Variants in GCC2 observed in about 807,000 individuals in gnomAD.
GCC2 encodes GRIP and coiled-coil domain containing 2.
Under a neutral mutation model 210.6 loss-of-function variants are expected in GCC2, and 120 were observed. The observed-to-expected ratio is 0.57, with a 90% CI of 0.49 to 0.66. GCC2 has a LOEUF of 0.66. GCC2 is among the 30% of genes least tolerant of loss of function. The pLI is 0.00. For missense variants in GCC2, 1,868 were observed against 1,871.9 expected (o/e 1.00, Z 0.04); for synonymous variants, 703 against 652.7 (o/e 1.08, Z -1.17).
At chr2:108,451,299 T>A (rs1679930809) in intron 3 of GCC2, among the ~76,000 whole-genome samples, 187 bp downstream of exon 3, 1 of 152,238 alleles carries the variant, frequency 6.6e-6, no homozygotes, top group African/African-American at 2.4e-5. Context: ...TATTCCCACA[T>A]CTCTAAACCA....
intron 4 of GCC2, among the ~76,000 whole-genome samples, chr2:108,466,359 G>A (rs1388022755): frequency 1.3e-5 from 2 of 151,976 alleles, no homozygotes; most frequent in African/African-American, 4.8e-5. Context: ...TTTTCTTAAT[G>A]GGCCAGTGGG....
At chr2:108,505,751 T>C (rs887692717) in intron 22 of GCC2, among the ~76,000 whole-genome samples, 2 of 151,886 alleles carry the variant, frequency 1.3e-5, no homozygotes, top group African/African-American at 4.8e-5. Flanking sequence ...GTGAGAGTCC[T>C]TGAAATAGAA....
rs1476310149 is a variant in GCC2 at position 108,508,351 on chromosome 2, G to C, written c.*721G>C. 3.6e-5 allele frequency: 5 copies of C among 139,402 alleles called. No homozygotes were observed. Among genetic ancestry groups the C allele is most frequent in the Admixed American group, 8.1e-5 (1 of 12,402 alleles). The allele number at this position is 139,402 out of a possible 1,614,324, so 8.6% of individuals were successfully genotyped here. A position where few individuals can be genotyped will look rare whatever the true frequency, so the allele number is the denominator to read the frequency against. ...AAGTTAAAATACAGTTTAGTTATTT[G>C]CTTTAAAATAAACTCTTCTTTTTTT... is the stretch of plus-strand genomic sequence containing the variant. On this transcript the variant is annotated 3_prime_UTR_variant, in exon 23 of 23. Coordinates refer to ENST00000309863, the MANE Select transcript of GCC2 (RefSeq NM_181453.4).
chr2:108,458,413 T>G (rs1355078711), intron 4 of GCC2, among the ~76,000 whole-genome samples: 1 of 144,392 alleles, frequency 6.9e-6, no homozygotes, highest in Non-Finnish European at 1.5e-5. Context: ...CTTGTCTGGT[T>G]TTGGTATCAG....
chr2:108,498,114 C>T (rs1457608396), intron 21 of GCC2, among the ~76,000 whole-genome samples: 2 of 147,374 alleles, frequency 1.4e-5, no homozygotes, highest in South Asian at 2.2e-4. Flanking sequence ...CTAATAAAAA[C>T]ATTATCGTAG....
intron 2 of GCC2, 37 bp downstream of exon 2, chr2:108,449,726 G>T (rs751212670): frequency 6.4e-7 from 1 of 1,550,814 alleles, no homozygotes; most frequent in Admixed American, 1.7e-5. Flanking sequence ...TTCCTGAAGA[G>T]TGGAAGGGTG....
rs1159186035 is a variant in GCC2, at chr2:108,470,375, G to C, written c.1046G>C (p.Ser349Thr). The C allele has an allele frequency of 1.2e-6, 2 of 1,606,408 alleles. No homozygotes were observed. Among genetic ancestry groups the C allele is most frequent in the South Asian group, 1.1e-5 (1 of 89,964 alleles). Residue 349 changes from serine to threonine, a missense_variant, in exon 6 of 23, where the codon AGT becomes ACT. Transcript: ENST00000309863. ...TTAAAAGAACTTGAATCTCAACACA[G>C]TATCTTAAAAGATGAGGTAACTTAT... ...DTLKELESQHSILKDEVTYMN... is the reference protein window; with the variant it reads ...DTLKELESQHTILKDEVTYMN...
intron 4 of GCC2, among the ~76,000 whole-genome samples, chr2:108,466,057 A>C (rs1680866982): frequency 6.6e-6 from 1 of 152,074 alleles, no homozygotes; most frequent in Non-Finnish European, 1.5e-5. Context: ...GCATTTTTTA[A>C]TATGTTGGCC....
intron 22 of GCC2, among the ~76,000 whole-genome samples, chr2:108,500,381 C>T (rs182314914): frequency 5.1e-4 from 77 of 152,232 alleles, no homozygotes; most frequent in Admixed American, 3.7e-3. Flanking sequence ...GACGTGGTGG[C>T]ATGCGCCTAT....
chr2:108,469,737 T>C lies in GCC2; in HGVS notation c.408T>C (p.Asn136=). ...NYVKEIENLK[N]ELMAVRSKYS... ...TGAAAGAAATTGAAAATTTGAAAAA[T>C]GAGTTGATGGCAGTACGTTCCAAAT... Residue 136 remains asparagine, a synonymous_variant, in exon 6 of 23, where the codon AAT becomes AAC. Transcript: ENST00000309863. 4.3e-6 allele frequency: 7 copies of C among 1,613,154 alleles called. No individual in the cohort carries two copies. The highest frequency in any genetic ancestry group is 5.9e-6 in the Non-Finnish European group (7 of 1,179,422).
rs1372912977 is a variant in GCC2, at chr2:108,468,971, C to G, written c.217-9C>G. The G allele has an allele frequency of 2.0e-5, 32 of 1,577,386 alleles. No homozygotes were observed. The highest frequency in any genetic ancestry group is 2.8e-5 in the Non-Finnish European group (32 of 1,147,306). ...TAACCCCAGGCAAATAAATCTTGTT[C>G]TAAAATAGGCATTAACTGAACGTCT... On this transcript the variant is annotated splice_polypyrimidine_tract_variant and intron_variant, in intron 4 of 22. Transcript: ENST00000309863.
In GCC2 at chr2:108,492,749, A is replaced by G. The variant is rs771264998; in HGVS notation, c.4406A>G (p.Glu1469Gly). 1 of 1,613,872 alleles carries G rather than the reference A, an allele frequency of 6.2e-7. No individual in the cohort carries two copies. Among genetic ancestry groups the G allele is most frequent in the African/African-American group, 1.3e-5 (1 of 74,946 alleles). ...TTACAGCAGCAGCTCTCCAAGATGG[A>G]AGCACAGCTCTTCCAGCTTAAGAAT... ...ETLQQQLSKM[E>G]AQLFQLKNEP... Residue 1469 changes from glutamate to glycine, a missense_variant, in exon 19 of 23, where the codon GAA (glutamate) becomes GGA (glycine). Glu to Gly is a moderately conservative substitution (Grantham distance 98). Around this residue, in one of 3 missense-constraint regions of GCC2, gnomAD observed 1,847 missense variants for 1,765.2 expected, o/e 1.05. Coordinates refer to ENST00000309863, the MANE Select transcript of GCC2 (RefSeq NM_181453.4).
intron 7 of GCC2, among the ~76,000 whole-genome samples, chr2:108,474,476 T>C (rs1315630943): frequency 5.3e-5 from 8 of 152,176 alleles, no homozygotes; most frequent in Non-Finnish European, 8.8e-5. Context: ...CATGACATGC[T>C]GGAACCAGAG....
intron 4 of GCC2, among the ~76,000 whole-genome samples, chr2:108,463,742 TG>T (rs1680723751): frequency 2.0e-5 from 3 of 152,170 alleles, no homozygotes; most frequent in Admixed American, 2.0e-4. Context: ...CTTGAGCCCC[TG>T]GGCAGTGGAT....
intron 3 of GCC2, among the ~76,000 whole-genome samples, chr2:108,451,594 A>G (rs1679947635): frequency 7.3e-6 from 1 of 136,504 alleles, no homozygotes; most frequent in Non-Finnish European, 1.6e-5. Flanking sequence ...AGAAGGAAAA[A>G]GATCTTAGCA....
At position 108,471,673 on chromosome 2, in the gene GCC2, G is replaced by A. The variant is rs376201616; in HGVS notation, c.2344G>A (p.Val782Ile). 4.3e-6 allele frequency: 7 copies of A among 1,613,500 alleles called. No homozygotes were observed. In the African/African-American group the frequency reaches 8.0e-5, roughly 18 times the overall value. Reference sequence around the variant, plus strand: ...CAGTGAAGAGAAAGATGTTGTTAATGTCCTACAGGCAGTCGGTGAATCCTT... The same window carrying A: ...CAGTGAAGAGAAAGATGTTGTTAATATCCTACAGGCAGTCGGTGAATCCTT... ...EDSEEKDVVN[V>I]LQAVGESLAK... The change falls in exon 6 of 23, where the codon GTC (valine) becomes ATC (isoleucine). Residue 782 changes from valine to isoleucine, a missense_variant. Transcript: ENST00000309863.
chr2:108,507,490 T>C, intron 22 of GCC2, 70 bp from the exon 23 acceptor site: 1 of 1,288,426 alleles, frequency 7.8e-7, no homozygotes, highest in Non-Finnish European at 1.1e-6. Context: ...ATATAGATTT[T>C]ACATTGAGAA....
At chr2:108,486,805 C>G (rs1367112373) in intron 16 of GCC2, among the ~76,000 whole-genome samples, 157 bp downstream of exon 16, 3 of 152,202 alleles carry the variant, frequency 2.0e-5, no homozygotes, top group Non-Finnish European at 4.4e-5. Context: ...TAACCCCAAT[C>G]CCATGCCAAC....
intron 9 of GCC2, among the ~76,000 whole-genome samples, chr2:108,481,226 A>C (rs1681835554): frequency 6.6e-6 from 1 of 152,238 alleles, no homozygotes; most frequent in Non-Finnish European, 1.5e-5. Context: ...GAGAGACTAA[A>C]TCTGTGAATG....
Sources: gnomAD v4.1 joint callset for allele counts (sites outside exome capture counted in the v4.1 genomes callset) on GRCh38, gnomAD v4.1.1 for gene constraint, gnomAD v4.1.1 regional missense constraint, MANE v1.5 for transcripts, NCBI Gene and HGNC (gene_info 2026-07-23, HGNC 2026-07-21) for gene names.